EBF2: variants seen among roughly 807,000 people sequenced by gnomAD.
EBF2 encodes EBF transcription factor 2, also known as transcription factor COE2.
EBF2 carries 21 observed loss-of-function variants against 72.8 expected under a neutral mutation model. The ratio of observed to expected loss-of-function variants is 0.29; its 90% CI spans 0.20 to 0.42. The LOEUF (loss-of-function observed/expected upper bound fraction) is 0.42, where lower values mean the gene tolerates loss of function less well. Ranked by LOEUF, EBF2 falls within the 10% of genes least tolerant of loss-of-function variation. The pLI, the probability that EBF2 is intolerant of heterozygous loss-of-function variation, is 1.00. For missense variants in EBF2, 637 were observed against 731.2 expected, an observed-to-expected ratio of 0.87 and a Z score of 1.49; for synonymous variants, 299 against 274.2, an observed-to-expected ratio of 1.09 and a Z score of -0.89.
intron 13 of EBF2, among the ~76,000 whole-genome samples, chr8:25,859,567 G>A (rs1032044236): frequency 5.9e-5 from 9 of 152,220 alleles, no homozygotes; most frequent in East Asian, 3.9e-4. Flanking sequence ...CAGAAACATC[G>A]TATCATATGT....
intron 2 of EBF2, 110 bp from the exon 3 acceptor site, chr8:26,041,112 C>G (rs991881798): frequency 8.0e-7 from 1 of 1,248,772 alleles, no homozygotes; most frequent in Non-Finnish European, 1.1e-6. Context: ...CAAAAGGCAG[C>G]TTTGAGTAAC....
chr8:25,879,171 T>C (rs1802567336), intron 10 of EBF2, among the ~76,000 whole-genome samples: 2 of 152,152 alleles, frequency 1.3e-5, no homozygotes, highest in Non-Finnish European at 2.9e-5. Context: ...AAACATTGGG[T>C]CATATCATGC....
chr8:26,023,474 G>C (rs530563257), intron 6 of EBF2, among the ~76,000 whole-genome samples: 56 of 152,248 alleles, frequency 3.7e-4, no homozygotes, highest in African/African-American at 1.2e-3. Flanking sequence ...CATCCAGTTG[G>C]TCCTCTGATT....
At chr8:25,912,758 A>G (rs777919323) in intron 6 of EBF2, among the ~76,000 whole-genome samples, 2 of 152,158 alleles carry the variant, frequency 1.3e-5, no homozygotes, top group Non-Finnish European at 2.9e-5. Flanking sequence ...CTATTCAAAT[A>G]CGTTTCTCCA....
Position 25,854,401 on chromosome 8 carries a change from A to G in EBF2, c.1529-3640T>C, listed in dbSNP as rs55896287. Among the ~76,000 whole-genome samples, 440 of 152,280 alleles carry G rather than the reference A, an allele frequency of 2.9e-3. 3 individuals are homozygous for G. Among genetic ancestry groups the G allele is most frequent in the African/African-American group, 1.0e-2 (415 of 41,564 alleles). ...GAAGGATTTTATGCAGCCCAGCTTC[A>G]TATCTGTGACTTTGGTAATTTTACT... is the stretch of plus-strand genomic sequence containing the variant. On this transcript the variant is annotated intron_variant, in intron 14 of 15. Transcript: ENST00000520164.
chr8:25,986,669 AC>A (rs1804462941), intron 6 of EBF2, among the ~76,000 whole-genome samples: 1 of 123,076 alleles, frequency 8.1e-6, no homozygotes, highest in Non-Finnish European at 1.7e-5. Context: ...ACCAATAACA[AC>A]AACTTTAAAA....
intron 15 of EBF2, among the ~76,000 whole-genome samples, chr8:25,847,462 C>T (rs1167010328): frequency 6.6e-6 from 1 of 152,184 alleles, no homozygotes. Context: ...GGACACTGAG[C>T]TTCCATGCAC....
Position 25,964,912 on chromosome 8 carries a change from T to C in EBF2, c.552-56357A>G, listed in dbSNP as rs182906999. Among the ~76,000 whole-genome samples the C allele has an allele frequency of 5.9e-5, 9 of 152,284 alleles. No individual in the cohort carries two copies. The East Asian group carries it at 1.4e-3, about 23-fold the overall frequency. On this transcript the variant is annotated intron_variant, in intron 6 of 15. Transcript: ENST00000520164. ...CAGAGGGACTGTCATAGAAGCTTAGTCCTCATCTCTTCAATGCTGCCTTTC... is the reference window on the plus strand; with the variant it reads ...CAGAGGGACTGTCATAGAAGCTTAGCCCTCATCTCTTCAATGCTGCCTTTC...
At chr8:26,036,618 C>T (rs1159513527) in intron 5 of EBF2, among the ~76,000 whole-genome samples, 1 of 152,038 alleles carries the variant, frequency 6.6e-6, no homozygotes, top group Non-Finnish European at 1.5e-5. Flanking sequence ...ATTCAGTCCT[C>T]CTGCCAGCAA....
intron 10 of EBF2, among the ~76,000 whole-genome samples, chr8:25,884,500 C>T (rs1585275166): frequency 1.3e-5 from 2 of 152,178 alleles, no homozygotes; most frequent in African/African-American, 4.8e-5. Flanking sequence ...CCTGCCCAAC[C>T]CTCCCTCACT....
intron 6 of EBF2, among the ~76,000 whole-genome samples, chr8:25,913,101 C>G (rs1267872642): frequency 6.6e-6 from 1 of 152,126 alleles, no homozygotes; most frequent in Non-Finnish European, 1.5e-5. Context: ...AATTTACCTC[C>G]AAATTGGAAT....
chr8:25,911,007 TC>T (rs1803119234), intron 6 of EBF2, among the ~76,000 whole-genome samples: 2 of 152,290 alleles, frequency 1.3e-5, no homozygotes, highest in South Asian at 4.2e-4. Context: ...CATTTTTTTT[TC>T]CTCTTACTTT....
intron 6 of EBF2, among the ~76,000 whole-genome samples, chr8:25,925,182 A>G (rs1803366787): frequency 6.6e-6 from 1 of 151,862 alleles, no homozygotes; most frequent in African/African-American, 2.4e-5. Context: ...TCCCGAGAAT[A>G]TTTTTCTCCT....
intron 2 of EBF2, chr8:26,041,232 C>CTT: frequency 1.7e-6 from 1 of 587,108 alleles, no homozygotes; most frequent in South Asian, 2.0e-5. Context: ...CTCTGTCTCC[C>CTT]TTAAAAATGT....
intron 7 of EBF2, among the ~76,000 whole-genome samples, chr8:25,903,424 G>C (rs1038601781): frequency 6.6e-6 from 1 of 152,122 alleles, no homozygotes; most frequent in Non-Finnish European, 1.5e-5. Flanking sequence ...AGCCGGGCGC[G>C]GTGGCTCACG....
intron 6 of EBF2, among the ~76,000 whole-genome samples, chr8:26,014,230 C>T (rs1230237963): frequency 6.6e-6 from 1 of 152,054 alleles, no homozygotes; most frequent in Non-Finnish European, 1.5e-5. Context: ...TCTGGACACT[C>T]CACTTAATAA....
At chr8:25,939,846 G>A (rs1178372023) in intron 6 of EBF2, among the ~76,000 whole-genome samples, 1 of 152,192 alleles carries the variant, frequency 6.6e-6, no homozygotes, top group Non-Finnish European at 1.5e-5. Flanking sequence ...AGGGCCAGTA[G>A]GTAGGATTTA....
chr8:26,005,293 AAT>A (rs1804829730), intron 6 of EBF2, among the ~76,000 whole-genome samples: 4 of 2,326 alleles, frequency 1.7e-3, no homozygotes, highest in Non-Finnish European at 2.3e-3. Context: ...ATAATTATAT[AAT>A]TATATATAAT....
intron 10 of EBF2, among the ~76,000 whole-genome samples, chr8:25,881,440 T>C (rs1802604114): frequency 6.6e-6 from 1 of 152,226 alleles, no homozygotes; most frequent in African/African-American, 2.4e-5. Flanking sequence ...CCCTGGCATA[T>C]GTTCCCAGCA....
Sources: gnomAD v4.1 joint callset for allele counts (sites outside exome capture counted in the v4.1 genomes callset) on GRCh38, gnomAD v4.1.1 for gene constraint, MANE v1.5 for transcripts, NCBI Gene and HGNC (gene_info 2026-07-23, HGNC 2026-07-21) for gene names.